ABLIM1: variants seen among roughly 807,000 people sequenced by gnomAD.
The protein encoded by ABLIM1 is actin binding LIM protein 1.
A neutral mutation model predicts 107.0 loss-of-function variants in ABLIM1; 40 were observed. The observed-to-expected ratio is 0.37, with a 90% confidence interval of 0.29 to 0.49. The LOEUF is 0.49. Among genes scored for constraint, ABLIM1 ranks in the 20% least tolerant of loss-of-function variants. The probability of loss-of-function intolerance (pLI) is 0.97; values close to 1 mark genes in which losing one functional copy is unlikely to be tolerated. For missense variants in ABLIM1, 857 were observed against 1,008.5 expected (o/e 0.85, Z 2.04); for synonymous variants, 357 against 357.3 (o/e 1.00, Z 0.01).
intron 6 of ABLIM1, among the ~76,000 whole-genome samples, chr10:114,534,784 AC>A (rs1371084556): frequency 1.3e-5 from 2 of 152,220 alleles, no homozygotes; most frequent in African/African-American, 4.8e-5. Context: ...GCTGAAAAAA[AC>A]AAAACATCCT....
chr10:114,533,711 G>T (rs941125478), intron 6 of ABLIM1, among the ~76,000 whole-genome samples: 4 of 152,106 alleles, frequency 2.6e-5, no homozygotes, highest in African/African-American at 7.2e-5. Flanking sequence ...CTGTCCCCCA[G>T]GCTGGAGTGC....
At chr10:114,649,323 A>AC (rs1260843976) in intron 1 of ABLIM1, among the ~76,000 whole-genome samples, 2 of 151,628 alleles carry the variant, frequency 1.3e-5, no homozygotes, top group East Asian at 3.9e-4. Context: ...AATCGCTGGA[A>AC]CCCGGGAGGC....
chr10:114,461,898 A>G (rs2064018411), intron 12 of ABLIM1, among the ~76,000 whole-genome samples: 1 of 152,204 alleles, frequency 6.6e-6, no homozygotes, highest in Admixed American at 6.5e-5. Context: ...CCTATCAAAA[A>G]ATTTGCTAAT....
At position 114,567,841 on chromosome 10, in the gene ABLIM1, C is replaced by T. The variant is rs569810851; in HGVS notation, c.673+3456G>A. Among the ~76,000 whole-genome samples, 58 of 152,306 alleles carry T rather than the reference C, an allele frequency of 3.8e-4. No homozygotes were observed. The South Asian group carries it at 0.012, about 31-fold the overall frequency. Reference sequence around the variant, plus strand: ...GAAAGAGGACCTTGGCCTTGGCTTTCTGGTAGATTTCACCAACTCTGTGAA... The same window carrying T: ...GAAAGAGGACCTTGGCCTTGGCTTTTTGGTAGATTTCACCAACTCTGTGAA... On this transcript the variant is annotated intron_variant, in intron 4 of 22. Coordinates refer to ENST00000533213, the MANE Select transcript of ABLIM1 (RefSeq NM_002313.7).
At chr10:114,486,590 T>G (rs891475710) in intron 8 of ABLIM1, among the ~76,000 whole-genome samples, 8 of 152,206 alleles carry the variant, frequency 5.3e-5, no homozygotes, top group African/African-American at 1.9e-4. Context: ...TGTGTGACTA[T>G]CCGGCTGATG....
intron 1 of ABLIM1, among the ~76,000 whole-genome samples, chr10:114,620,294 T>G (rs2077385717): frequency 6.6e-6 from 1 of 152,238 alleles, no homozygotes; most frequent in Non-Finnish European, 1.5e-5. Context: ...GGTCTTGCTG[T>G]GTAAAAGTGT....
At chr10:114,792,617 T>A in the ABLIM1 span, among the ~76,000 whole-genome samples, 1 of 152,164 alleles carries the variant, frequency 6.6e-6, no homozygotes, top group South Asian at 2.1e-4. Context: ...TCTGTGGGAT[T>A]CTCCTCTTCT....
rs1015157820 is a variant in ABLIM1 at position 114,738,625 on chromosome 10, C to T, written c.-213+29436G>A. On this transcript the variant is annotated intron_variant, in intron 1 of 15. Coordinates refer to the ABLIM1 transcript ENST00000651092. ...ACAGAGCTCAAGAGATAGGCCACAG[C>T]TTTTGGTGATTTAGTTCAAGTAGAA... Among the ~76,000 whole-genome samples the T allele has an allele frequency of 3.3e-5, 5 of 152,150 alleles. No homozygotes were observed. In the South Asian group the frequency reaches 6.2e-4, roughly 19 times the overall value.
the ABLIM1 span, among the ~76,000 whole-genome samples, chr10:114,777,176 AT>A: frequency 6.6e-6 from 1 of 152,078 alleles, no homozygotes; most frequent in Non-Finnish European, 1.5e-5. Context: ...CTGTCCTCAA[AT>A]AGATTAACTC....
intron 1 of ABLIM1, among the ~76,000 whole-genome samples, chr10:114,763,360 T>TTAA (rs1212751652): frequency 5.2e-4 from 79 of 152,172 alleles, no homozygotes; most frequent in African/African-American, 1.8e-3. Flanking sequence ...TTTAATGTAT[T>TTAA]ATATAGGTAT....
intron 1 of ABLIM1, among the ~76,000 whole-genome samples, chr10:114,760,256 T>G (rs567535756): frequency 6.6e-6 from 1 of 152,244 alleles, no homozygotes; most frequent in South Asian, 2.1e-4. Flanking sequence ...TTAAGATATT[T>G]TCAGATATAT....
rs768949267 is a variant in ABLIM1 at position 114,435,266 on chromosome 10, G to T, written c.*994C>A. 2 of 152,248 alleles carry T rather than the reference G, an allele frequency of 1.3e-5. No individual in the cohort carries two copies. Among genetic ancestry groups the T allele is most frequent in the Non-Finnish European group, 2.9e-5 (2 of 68,052 alleles). The allele number at this position is 152,248 out of a possible 1,614,324, so 9.4% of individuals were successfully genotyped here. A position where few individuals can be genotyped will look rare whatever the true frequency, so the allele number is the denominator to read the frequency against. The stretch of plus-strand genomic sequence containing the variant: ...TAAAAACCAACAACAGCATGGGCTT[G>T]ATCTGATTCATAGGATGCCAGAGAG... On this transcript the variant is annotated 3_prime_UTR_variant, in exon 23 of 23. Coordinates refer to ENST00000533213, the MANE Select transcript of ABLIM1 (RefSeq NM_002313.7).
intron 2 of ABLIM1, among the ~76,000 whole-genome samples, chr10:114,598,158 C>T (rs1413380154): frequency 4.0e-5 from 6 of 150,566 alleles, no homozygotes; most frequent in African/African-American, 1.5e-4. Flanking sequence ...CCTGTAACCC[C>T]AGCTACTTGG....
intron 1 of ABLIM1, among the ~76,000 whole-genome samples, chr10:114,751,769 GA>G (rs1169050901): frequency 1.5e-4 from 21 of 144,720 alleles, no homozygotes; most frequent in East Asian, 6.0e-4. Context: ...AAAAAGGAAA[GA>G]AAAAAAAAGG....
At position 114,526,770 on chromosome 10, in the gene ABLIM1, C is replaced by T. The variant is rs377226492; in HGVS notation, c.894+18235G>A. ...GCCAAGAGGCTTTGTAGATGCCAGA[C>T]CTCAGCCCGACAGACTGAGGCTCCC... On this transcript the variant is annotated intron_variant, in intron 6 of 22. Transcript: ENST00000533213. 2.7e-5 allele frequency: 27 copies of T among 985,554 alleles called. No homozygotes were observed. The African/African-American group carries it at 4.4e-4, about 16-fold the overall frequency. The allele number at this position is 985,554 out of a possible 1,614,324, so 61.1% of individuals were successfully genotyped here.
chr10:114,630,297 C>T (rs536801104), intron 1 of ABLIM1, among the ~76,000 whole-genome samples: 47 of 152,232 alleles, frequency 3.1e-4, no homozygotes, highest in Non-Finnish European at 6.3e-4. Flanking sequence ...GAGAGGAGTG[C>T]CATGTCATAG....
intron 2 of ABLIM1, among the ~76,000 whole-genome samples, chr10:114,584,855 A>G (rs138343226): frequency 2.6e-5 from 4 of 152,310 alleles, no homozygotes; most frequent in Admixed American, 6.5e-5. Flanking sequence ...TTGGAAAGAA[A>G]TCATTTTGAA....
intron 1 of ABLIM1, among the ~76,000 whole-genome samples, chr10:114,712,008 C>G (rs1389428911): frequency 6.6e-6 from 1 of 152,060 alleles, no homozygotes; most frequent in Non-Finnish European, 1.5e-5. Context: ...AAATATTCAG[C>G]ATATCCTGCC....
upstream of ABLIM1, among the ~76,000 whole-genome samples, chr10:114,688,431 T>C (rs190964432): frequency 1.5e-3 from 223 of 152,314 alleles, no homozygotes; most frequent in Middle Eastern, 0.01. Flanking sequence ...TGTACGCCAA[T>C]CATATTCAAT....
Sources: gnomAD v4.1 joint callset for allele counts (sites outside exome capture counted in the v4.1 genomes callset) on GRCh38, gnomAD v4.1.1 for gene constraint, MANE v1.5 for transcripts, NCBI Gene and HGNC (gene_info 2026-07-23, HGNC 2026-07-21) for gene names.